Variants in MYO16 observed in about 807,000 individuals in gnomAD.
MYO16 encodes the protein myosin XVI.
In MYO16, 94 loss-of-function variants were observed where a neutral mutation model predicts 205.3. The ratio of observed to expected loss-of-function variants is 0.46; its 90% CI spans 0.39 to 0.54. The LOEUF (loss-of-function observed/expected upper bound fraction) is 0.54, where lower values mean the gene tolerates loss of function less well. MYO16 is among the 20% of genes least tolerant of loss of function. The probability of loss-of-function intolerance (pLI) is 0.00; values close to 1 mark genes in which losing one functional copy is unlikely to be tolerated. For missense variants in MYO16, 2,315 were observed against 2,387.5 expected, an observed-to-expected ratio of 0.97 and a Z score of 0.63; for synonymous variants, 988 against 954.0, an observed-to-expected ratio of 1.04 and a Z score of -0.66.
chr13:108,808,180 A>G (rs6492149), intron 7 of MYO16, among the ~76,000 whole-genome samples: 121,217 of 151,942 alleles, frequency 0.8, 49,835 homozygotes, highest in East Asian at 1. Flanking sequence ...CCTTTTTCTC[A>G]GAAATGCATA....
chr13:109,107,987 G>A (rs899390853), intron 28 of MYO16, among the ~76,000 whole-genome samples: 2 of 151,914 alleles, frequency 1.3e-5, no homozygotes, highest in Non-Finnish European at 2.9e-5. Context: ...GAAAAAAACT[G>A]AGGAAGAAAA....
At chr13:108,896,425 T>C (rs1313384217) in intron 14 of MYO16, among the ~76,000 whole-genome samples, 1 of 152,200 alleles carries the variant, frequency 6.6e-6, no homozygotes, top group African/African-American at 2.4e-5. Flanking sequence ...AATTTACTTT[T>C]ATCATCTTTA....
chr13:109,045,786 C>G lies in MYO16; in HGVS notation c.2797-1130C>G, dbSNP rs1020462055. ...CAGGTCCTTCCACAGTCTGCACAGC[C>G]CTTTCTTCATAGTTTCTTCTGCTGT... On this transcript the variant is annotated intron_variant, in intron 23 of 34. Transcript: ENST00000457511. 1.1e-4 allele frequency among the ~76,000 whole-genome samples: 17 copies of G among 152,310 alleles called. No individual in the cohort carries two copies. The East Asian group carries it at 3.3e-3, about 29-fold the overall frequency.
intron 31 of MYO16, among the ~76,000 whole-genome samples, chr13:109,138,815 T>TA (rs1306046848): frequency 2.8e-4 from 43 of 151,974 alleles, no homozygotes; most frequent in Middle Eastern, 3.4e-3. Context: ...TAATTTAATT[T>TA]ATTTATTTAT....
chr13:108,558,221 G>C, the MYO16 span, among the ~76,000 whole-genome samples: 6,674 of 152,176 alleles, frequency 0.044, 437 homozygotes, highest in African/African-American at 0.15. Flanking sequence ...CGTATTCACT[G>C]TGCCAAAGTG....
the MYO16 span, among the ~76,000 whole-genome samples, chr13:108,529,813 G>A: frequency 1.3e-5 from 2 of 152,188 alleles, no homozygotes; most frequent in Non-Finnish European, 1.5e-5. Flanking sequence ...CATCCCTGGT[G>A]CAACAGAACC....
chr13:109,013,427 C>T (rs188980530), intron 22 of MYO16, among the ~76,000 whole-genome samples: 3 of 152,190 alleles, frequency 2.0e-5, no homozygotes, highest in East Asian at 1.9e-4. Flanking sequence ...AATAAACATA[C>T]GTGTGCATGT....
intron 1 of MYO16, among the ~76,000 whole-genome samples, chr13:108,612,977 T>A (rs1407786590): frequency 6.6e-6 from 1 of 152,120 alleles, no homozygotes; most frequent in African/African-American, 2.4e-5. Context: ...GAAATAGCAC[T>A]TCATGTTTGA....
intron 34 of MYO16, among the ~76,000 whole-genome samples, chr13:109,196,985 A>G (rs1880188443): frequency 6.6e-6 from 1 of 152,202 alleles, no homozygotes; most frequent in Non-Finnish European, 1.5e-5. Context: ...TACCTATTAT[A>G]GAACAGTACA....
chr13:108,554,298 C>T, the MYO16 span, among the ~76,000 whole-genome samples: 6 of 151,804 alleles, frequency 4.0e-5, no homozygotes, highest in Non-Finnish European at 8.8e-5. Context: ...CTTTTATCAT[C>T]AACAAAAAAC....
At chr13:109,065,982 C>T (rs192425236) in intron 27 of MYO16, among the ~76,000 whole-genome samples, 1 of 152,196 alleles carries the variant, frequency 6.6e-6, no homozygotes, top group Admixed American at 6.5e-5. Flanking sequence ...GGTGAGGGAC[C>T]GTGAGCTGTG....
At chr13:108,998,043 C>G (rs1885093515) in intron 21 of MYO16, among the ~76,000 whole-genome samples, 2 of 152,070 alleles carry the variant, frequency 1.3e-5, no homozygotes, top group African/African-American at 4.8e-5. Context: ...ACTTTGACTT[C>G]TAAAGTTTTA....
the MYO16 span, among the ~76,000 whole-genome samples, chr13:108,533,812 G>GAAA: frequency 6.6e-5 from 10 of 152,042 alleles, no homozygotes; most frequent in African/African-American, 2.4e-4. Context: ...GGCCTTGAAG[G>GAAA]AAAAAATGCA....
At chr13:108,572,100 T>A in the MYO16 span, among the ~76,000 whole-genome samples, 2 of 151,920 alleles carry the variant, frequency 1.3e-5, no homozygotes, top group Admixed American at 1.3e-4. Context: ...TTAAAAAATA[T>A]ATATATTGTA....
At chr13:108,902,653 T>C (rs1228438238) in intron 15 of MYO16, among the ~76,000 whole-genome samples, 2 of 152,222 alleles carry the variant, frequency 1.3e-5, no homozygotes, top group African/African-American at 4.8e-5. Context: ...TGCTGATCTT[T>C]AGTGTTCCTT....
intron 21 of MYO16, among the ~76,000 whole-genome samples, chr13:109,001,591 A>G (rs1212186497): frequency 6.6e-6 from 1 of 152,178 alleles, no homozygotes; most frequent in Non-Finnish European, 1.5e-5. Flanking sequence ...GAAGTAAACA[A>G]GAGAGATGCT....
intron 11 of MYO16, among the ~76,000 whole-genome samples, chr13:108,857,651 T>C (rs184993259): frequency 6.6e-6 from 1 of 152,344 alleles, no homozygotes; most frequent in African/African-American, 2.4e-5. Flanking sequence ...ATTTTTGCAT[T>C]ATTATCTCAG....
intron 4 of MYO16, among the ~76,000 whole-genome samples, chr13:108,765,335 C>G (rs1342833234): frequency 1.3e-5 from 2 of 152,072 alleles, no homozygotes; most frequent in African/African-American, 4.8e-5. Context: ...TTACACTATT[C>G]TATTATGACA....
At chr13:108,971,559 ATATAT>A (rs199979283) in intron 20 of MYO16, among the ~76,000 whole-genome samples, 2,591 of 151,248 alleles carry the variant, frequency 0.017, 56 homozygotes, top group African/African-American at 0.059. Flanking sequence ...AACTGGACTA[ATATAT>A]TATTAATAAT....
Sources: gnomAD v4.1 joint callset for allele counts (sites outside exome capture counted in the v4.1 genomes callset) on GRCh38, gnomAD v4.1.1 for gene constraint, MANE v1.5 for transcripts, NCBI Gene and HGNC (gene_info 2026-07-23, HGNC 2026-07-21) for gene names.